CNTNAP5: variants seen among roughly 807,000 people sequenced by gnomAD.
CNTNAP5 encodes the protein contactin-associated protein-like 5.
Under a neutral mutation model 150.2 loss-of-function variants are expected in CNTNAP5, and 72 were observed. The ratio of observed to expected loss-of-function variants is 0.48; its 90% CI spans 0.40 to 0.58. The LOEUF (loss-of-function observed/expected upper bound fraction) is 0.58, where lower values mean the gene tolerates loss of function less well. Among genes scored for constraint, CNTNAP5 ranks in the 20% least tolerant of loss-of-function variants. The pLI is 0.00. For missense variants in CNTNAP5, 1,636 were observed against 1,626.2 expected, an observed-to-expected ratio of 1.01 and a Z score of -0.10; for synonymous variants, 672 against 619.8, an observed-to-expected ratio of 1.08 and a Z score of -1.25.
intron 3 of CNTNAP5, among the ~76,000 whole-genome samples, chr2:124,349,874 CTTTTTTTTTTTTTTT>C (rs70996061): frequency 1.2e-5 from 1 of 81,828 alleles, no homozygotes; most frequent in East Asian, 4.1e-4. Flanking sequence ...CTGGCTATTT[CTTTTTTTTTTTTTTT>C]TTTTTTTTTT....
At chr2:124,364,415 C>T (rs1690310922) in intron 3 of CNTNAP5, among the ~76,000 whole-genome samples, 1 of 152,130 alleles carries the variant, frequency 6.6e-6, no homozygotes, top group South Asian at 2.1e-4. Flanking sequence ...CTTTCCTAAC[C>T]CTGCTCACCT....
chr2:124,664,132 T>C (rs1678648282), intron 13 of CNTNAP5, among the ~76,000 whole-genome samples: 1 of 152,066 alleles, frequency 6.6e-6, no homozygotes, highest in South Asian at 2.1e-4. Flanking sequence ...AAAAAAGTAC[T>C]TTGAAGACAA....
chr2:124,385,272 C>A (rs1006301254), intron 3 of CNTNAP5, among the ~76,000 whole-genome samples: 1 of 152,120 alleles, frequency 6.6e-6, no homozygotes, highest in Non-Finnish European at 1.5e-5. Context: ...GAAAACGTAT[C>A]ATTATTATGA....
At chr2:124,112,495 T>C (rs1168377456) in intron 1 of CNTNAP5, among the ~76,000 whole-genome samples, 1 of 152,224 alleles carries the variant, frequency 6.6e-6, no homozygotes, top group African/African-American at 2.4e-5. Flanking sequence ...TCTCACACAG[T>C]TAGACATAGA....
At chr2:124,167,141 A>G (rs757628745) in intron 1 of CNTNAP5, among the ~76,000 whole-genome samples, 10 of 152,186 alleles carry the variant, frequency 6.6e-5, no homozygotes, top group Non-Finnish European at 1.5e-4. Context: ...CAAAAGACTA[A>G]TAATCCATAC....
chr2:124,473,809 A>G (rs576756178), intron 6 of CNTNAP5, among the ~76,000 whole-genome samples: 1 of 152,198 alleles, frequency 6.6e-6, no homozygotes, highest in East Asian at 1.9e-4. Flanking sequence ...AAAAATACTC[A>G]TAACAGGCCG....
chr2:124,466,642 T>G (rs1693384932), intron 6 of CNTNAP5, among the ~76,000 whole-genome samples: 3 of 152,190 alleles, frequency 2.0e-5, no homozygotes, highest in African/African-American at 7.2e-5. Flanking sequence ...TAAAAGAGTT[T>G]TTGATCAGTA....
chr2:124,175,828 T>TTA (rs1685051331), intron 1 of CNTNAP5, among the ~76,000 whole-genome samples: 1 of 152,190 alleles, frequency 6.6e-6, no homozygotes, highest in Non-Finnish European at 1.5e-5. Flanking sequence ...CACATTTTCT[T>TTA]TATGCAGTCC....
At chr2:124,665,827 A>G (rs1476498983) in intron 13 of CNTNAP5, among the ~76,000 whole-genome samples, 1 of 151,630 alleles carries the variant, frequency 6.6e-6, no homozygotes, top group African/African-American at 2.4e-5. Context: ...AAGAGCTTGC[A>G]GTGAGCCGAG....
intron 19 of CNTNAP5, among the ~76,000 whole-genome samples, chr2:124,856,470 TC>T (rs974238537): frequency 1.3e-5 from 2 of 152,206 alleles, no homozygotes; most frequent in African/African-American, 2.4e-5. Flanking sequence ...GTAGAAGTTT[TC>T]CCTTTTCACT....
chr2:124,551,994 TA>T (rs1291266897), intron 10 of CNTNAP5, among the ~76,000 whole-genome samples: 1 of 152,150 alleles, frequency 6.6e-6, no homozygotes, highest in Non-Finnish European at 1.5e-5. Flanking sequence ...ATAACTGCAA[TA>T]AAAAATGGGC....
chr2:124,311,356 C>A (rs760749821), intron 3 of CNTNAP5, among the ~76,000 whole-genome samples: 2 of 152,076 alleles, frequency 1.3e-5, no homozygotes, highest in African/African-American at 4.8e-5. Context: ...TGCAGACGGC[C>A]GCCTTCTCAT....
At chr2:124,327,959 T>A (rs1689261846) in intron 3 of CNTNAP5, among the ~76,000 whole-genome samples, 1 of 152,120 alleles carries the variant, frequency 6.6e-6, no homozygotes, top group South Asian at 2.1e-4. Flanking sequence ...AAGATTGTCG[T>A]GAAAATTAAA....
chr2:124,268,905 G>A (rs978650295), intron 3 of CNTNAP5, among the ~76,000 whole-genome samples: 6 of 152,098 alleles, frequency 3.9e-5, no homozygotes, highest in Non-Finnish European at 8.8e-5. Context: ...CAGAATGAGA[G>A]GGTTGGGTGG....
intron 1 of CNTNAP5, among the ~76,000 whole-genome samples, chr2:124,040,495 T>C (rs1681340073): frequency 6.6e-6 from 1 of 152,186 alleles, no homozygotes; most frequent in African/African-American, 2.4e-5. Context: ...CGTTTTCAGA[T>C]AACCTTACAG....
chr2:124,875,938 T>G (rs1327912705), intron 21 of CNTNAP5, among the ~76,000 whole-genome samples: 1 of 152,068 alleles, frequency 6.6e-6, no homozygotes, highest in Non-Finnish European at 1.5e-5. Flanking sequence ...AATAGAAGTT[T>G]CAAGGTGTAA....
At chr2:124,274,438 T>C (rs997814096) in intron 3 of CNTNAP5, among the ~76,000 whole-genome samples, 3 of 152,186 alleles carry the variant, frequency 2.0e-5, no homozygotes, top group African/African-American at 7.2e-5. Context: ...AACTGAGATC[T>C]TTTCCCATTT....
intron 3 of CNTNAP5, among the ~76,000 whole-genome samples, chr2:124,379,472 T>C (rs950973078): frequency 6.6e-6 from 1 of 152,166 alleles, no homozygotes; most frequent in Non-Finnish European, 1.5e-5. Flanking sequence ...CTCCATGTCT[T>C]TTCATGGCCT....
chr2:124,628,675 C>T (rs1677781814), intron 12 of CNTNAP5, among the ~76,000 whole-genome samples: 1 of 152,064 alleles, frequency 6.6e-6, no homozygotes, highest in Non-Finnish European at 1.5e-5. Context: ...GCAAAATTAA[C>T]CAGTTAGCAT....
Sources: gnomAD v4.1 joint callset for allele counts (sites outside exome capture counted in the v4.1 genomes callset) on GRCh38, gnomAD v4.1.1 for gene constraint, MANE v1.5 for transcripts, NCBI Gene and HGNC (gene_info 2026-07-23, HGNC 2026-07-21) for gene names.